TLR1: variants seen among roughly 807,000 people sequenced by gnomAD.
The protein encoded by TLR1 is toll like receptor 1.
A neutral mutation model predicts 20.2 loss-of-function variants in TLR1; 19 were observed. The observed-to-expected ratio is 0.94, with a 90% confidence interval of 0.66 to 1.38. The LOEUF is 1.38. Among genes scored for constraint, TLR1 ranks in the 40% most tolerant of loss-of-function variants. The pLI, the probability that TLR1 is intolerant of heterozygous loss-of-function variation, is 0.00. For synonymous variants in TLR1, 320 were observed against 334.5 expected, an observed-to-expected ratio of 0.96 and a Z score of 0.47; for missense variants, 921 against 910.0, an observed-to-expected ratio of 1.01 and a Z score of -0.16.
chr4:38,788,565 C>T (rs566221033), downstream of TLR1, among the ~76,000 whole-genome samples: 6 of 152,308 alleles, frequency 3.9e-5, no homozygotes, highest in East Asian at 9.6e-4. Context: ...ATCATGCTTA[C>T]TAAGATATAT....
downstream of TLR1, among the ~76,000 whole-genome samples, chr4:38,787,901 G>A (rs1177198227): frequency 6.6e-6 from 1 of 152,056 alleles, no homozygotes; most frequent in Non-Finnish European, 1.5e-5. Context: ...ACCAAATATT[G>A]ACATTTCTCA....
In TLR1 at chr4:38,796,506, T is replaced by C; in HGVS notation, c.2326A>G (p.Ile776Val). The C allele has an allele frequency of 3.1e-6, 5 of 1,613,062 alleles. No homozygotes were observed. The highest frequency in any genetic ancestry group is 4.2e-6 in the Non-Finnish European group (5 of 1,179,062). The change falls in exon 4 of 4, where the codon ATT becomes GTT. Residue 776 changes from isoleucine (I) to valine (V), a missense_variant. Transcript: ENST00000308979. ...GCTTGCTCTGTCAGCTTAATATTAATGGCTGCCCTTAAGTTAGCCCAAAAA... is the reference window on the plus strand; with the variant it reads ...GCTTGCTCTGTCAGCTTAATATTAACGGCTGCCCTTAAGTTAGCCCAAAAA... ...GLFWANLRAA[I>V]NIKLTEQAKK
At position 38,798,840 on chromosome 4, in the gene TLR1, A is replaced by G. The variant is rs1186202456; in HGVS notation, c.-9T>C. On this transcript the variant is annotated 5_prime_UTR_variant, in exon 4 of 4. Transcript: ENST00000308979. The stretch of plus-strand genomic sequence containing the variant: ...TGGAAGATGCTAGTCATTTTGGAAC[A>G]CTAGACATTCCTAAAGGTAGAAGCT... The G allele has an allele frequency of 6.4e-7, 1 of 1,570,282 alleles. No homozygotes were observed. The highest frequency in any genetic ancestry group is 1.8e-5 in the Admixed American group (1 of 54,158).
downstream of TLR1, among the ~76,000 whole-genome samples, chr4:38,790,236 A>ATC (rs1235128762): frequency 2.6e-5 from 4 of 152,052 alleles, no homozygotes; most frequent in Non-Finnish European, 5.9e-5. Context: ...CTTGGTTTTT[A>ATC]TCTGTTATAG....
downstream of TLR1, chr4:38,790,644 T>C (rs1461785646): frequency 6.6e-6 from 1 of 152,128 alleles, no homozygotes; most frequent in Admixed American, 6.6e-5. Context: ...CTTATTATTA[T>C]TATTTTTTTT....
At chr4:38,804,075 A>G (rs1726858979) in intron 2 of TLR1, among the ~76,000 whole-genome samples, 2 of 152,222 alleles carry the variant, frequency 1.3e-5, no homozygotes, top group Admixed American at 1.3e-4. Context: ...AAAGAATCTG[A>G]GACAGTTCAA....
rs751367100 is a variant in TLR1 at position 38,798,507 on chromosome 4, A to G, written c.325T>C (p.Ser109Pro). 6.2e-7 allele frequency: 1 copy of G among 1,614,208 alleles called. No individual in the cohort carries two copies. The highest frequency in any genetic ancestry group is 8.5e-7 in the Non-Finnish European group (1 of 1,180,032). The change falls in exon 4 of 4, where the codon TCT becomes CCT. Residue 109 changes from serine (S) to proline (P), a missense_variant. Ser to Pro is a moderately conservative substitution (Grantham distance 74). Coordinates refer to ENST00000308979, the MANE Select transcript of TLR1 (RefSeq NM_003263.4). ...DLSHNKLVKISCHPTVNLKHL... is the reference protein window; with the variant it reads ...DLSHNKLVKIPCHPTVNLKHL... Reference sequence around the variant, plus strand: ...TTGAGGTTCACAGTAGGGTGGCAAGAAATCTTCACCAACTTGTTGTGGGAC... The same window carrying G: ...TTGAGGTTCACAGTAGGGTGGCAAGGAATCTTCACCAACTTGTTGTGGGAC...
In TLR1 at chr4:38,797,008, C is replaced by T. The variant is rs773303713; in HGVS notation, c.1824G>A (p.Trp608Ter). 18 of 1,614,012 alleles carry T rather than the reference C, an allele frequency of 1.1e-5. No homozygotes were observed. The East Asian group carries it at 3.8e-4, about 34-fold the overall frequency. Residue 608 changes from tryptophan (W) to a stop codon, truncating the protein, a stop_gained, in exon 4 of 4, where the codon TGG becomes TGA. Transcript: ENST00000308979. LOFTEE classifies it high-confidence loss of function. Reference sequence around the variant, plus strand: ...TCCACTGGCACACCATCCTGAGATACCAGGGCAGATCCAAGTAGCTGCAGA... The same window carrying T: ...TCCACTGGCACACCATCCTGAGATATCAGGGCAGATCCAAGTAGCTGCAGA... Reference protein sequence around the residue: ...TSLCSYLDLPWYLRMVCQWTQ... With the variant: ...TSLCSYLDLP
chr4:38,803,862 G>A (rs1432841185), intron 2 of TLR1, among the ~76,000 whole-genome samples: 1 of 152,170 alleles, frequency 6.6e-6, no homozygotes, highest in African/African-American at 2.4e-5. Flanking sequence ...ATTATGATAG[G>A]TTTAGCCTCA....
intron 2 of TLR1, 32 bp from the exon 3 acceptor site, chr4:38,800,980 T>C (rs1726601587): frequency 6.6e-6 from 1 of 152,648 alleles, no homozygotes; most frequent in Non-Finnish European, 1.5e-5. Flanking sequence ...GACATTAATG[T>C]TCATGTTAAA....
chr4:38,788,757 A>G (rs758332248), downstream of TLR1, among the ~76,000 whole-genome samples: 2 of 152,224 alleles, frequency 1.3e-5, no homozygotes, highest in Non-Finnish European at 2.9e-5. Flanking sequence ...GTGTAATCCC[A>G]GTACTTTGGG....
Position 38,796,547 on chromosome 4 carries a change from T to C in TLR1, c.2285A>G (p.Lys762Arg). ...AGCCCAAAAAAGGCCACGTTTGCTC[T>C]TTTCCTTGGGCCATTCCAAATAAGT... ...RRTYLEWPKEKSKRGLFWANL... is the reference protein window; with the variant it reads ...RRTYLEWPKERSKRGLFWANL... The change falls in exon 4 of 4, where the codon AAG (lysine) becomes AGG (arginine). Residue 762 changes from lysine to arginine, a missense_variant. By Grantham distance (26) the Lys-to-Arg change is conservative. Transcript: ENST00000308979. 1 of 1,614,222 alleles carries C rather than the reference T, an allele frequency of 6.2e-7. No individual in the cohort carries two copies. The highest frequency in any genetic ancestry group is 8.5e-7 in the Non-Finnish European group (1 of 1,180,026).
At position 38,797,446 on chromosome 4, in the gene TLR1, T is replaced by C. The variant is rs758636369; in HGVS notation, c.1386A>G (p.Lys462=). ...LHSNKIKSIP[K]QVVKLEALQE... ...GCAAAGCTTCCAGTTTTACGACTTG[T>C]TTAGGAATGCTCTTTATTTTATTGC... Residue 462 remains lysine, a synonymous_variant, in exon 4 of 4, where the codon AAA becomes AAG. Coordinates refer to ENST00000308979, the MANE Select transcript of TLR1 (RefSeq NM_003263.4). The C allele has an allele frequency of 6.2e-7, 1 of 1,614,218 alleles. No individual in the cohort carries two copies. Among genetic ancestry groups the C allele is most frequent in the East Asian group, 2.2e-5 (1 of 44,884 alleles).
chr4:38,789,197 A>G (rs1725663249), downstream of TLR1, among the ~76,000 whole-genome samples: 1 of 152,142 alleles, frequency 6.6e-6, no homozygotes, highest in East Asian at 1.9e-4. Flanking sequence ...TTCCAACTCC[A>G]CCTTCAGCGA....
At chr4:38,800,790 G>A (rs1055405506) in intron 3 of TLR1, 67 bp downstream of exon 3, 8 of 152,590 alleles carry the variant, frequency 5.2e-5, no homozygotes, top group Non-Finnish European at 8.8e-5. Flanking sequence ...AACAACCCTC[G>A]GTTACAAAAG....
downstream of TLR1, among the ~76,000 whole-genome samples, chr4:38,795,917 T>A (rs1726015662): frequency 6.6e-6 from 1 of 152,186 alleles, no homozygotes; most frequent in East Asian, 1.9e-4. Flanking sequence ...CTGACATTGG[T>A]TGAGGGCTGT....
chr4:38,803,423 G>A (rs1310571192), intron 2 of TLR1, among the ~76,000 whole-genome samples: 2 of 152,204 alleles, frequency 1.3e-5, no homozygotes, highest in African/African-American at 4.8e-5. Flanking sequence ...CACTGCTAAC[G>A]CAAGCATTTA....
Position 38,798,360 on chromosome 4 carries a change from G to A in TLR1, c.472C>T (p.Pro158Ser), listed in dbSNP as rs763712474. Reference sequence around the variant, plus strand: ...TTGCTGATATTCAAATGAGCAATTGGCAGCACACTAGATTTTTCTAAGTGT... The same window carrying A: ...TTGCTGATATTCAAATGAGCAATTGACAGCACACTAGATTTTTCTAAGTGT... ...TTHLEKSSVL[P>S]IAHLNISKVL... The change falls in exon 4 of 4, where the codon CCA (proline) becomes TCA (serine). Residue 158 changes from proline to serine, a missense_variant. Physicochemically the swap from Pro to Ser is moderately conservative, Grantham distance 74. Coordinates refer to ENST00000308979, the MANE Select transcript of TLR1 (RefSeq NM_003263.4). The A allele has an allele frequency of 1.4e-5, 23 of 1,613,778 alleles. No individual in the cohort carries two copies. The highest frequency in any genetic ancestry group is 1.9e-5 in the Non-Finnish European group (22 of 1,179,962).
downstream of TLR1, among the ~76,000 whole-genome samples, chr4:38,792,939 TAGTATAGC>T (rs1236695403): frequency 6.6e-6 from 1 of 150,682 alleles, no homozygotes; most frequent in Non-Finnish European, 1.5e-5. Flanking sequence ...GCAGTCTCGC[TAGTATAGC>T]AGGCTGATAA....
Sources: allele counts gnomAD v4.1 joint callset (sites outside exome capture counted in the v4.1 genomes callset), GRCh38; gene constraint gnomAD v4.1.1; transcripts MANE v1.5; gene names NCBI Gene and HGNC (gene_info 2026-07-23, HGNC 2026-07-21).